The following TMEM209 variants were observed in gnomAD, a reference collection of about 807,000 sequenced individuals.
TMEM209 encodes the protein testicular tissue protein Li 202.
A neutral mutation model predicts 76.2 loss-of-function variants in TMEM209; 65 were observed. The observed-to-expected ratio is 0.85, with a 90% CI of 0.70 to 1.05. The LOEUF is 1.05. Among genes scored for constraint, TMEM209 ranks in the 50% least tolerant of loss-of-function variants. The pLI is 0.00. For missense variants in TMEM209, 623 were observed against 685.5 expected (o/e 0.91, Z 1.02); for synonymous variants, 239 against 237.6 (o/e 1.01, Z -0.06).
intron 5 of TMEM209, among the ~76,000 whole-genome samples, chr7:130,193,126 A>C (rs2117015839): frequency 6.6e-6 from 1 of 152,336 alleles, no homozygotes; most frequent in East Asian, 1.9e-4. Context: ...GGCCACACAC[A>C]AACCTGTATG....
intron 5 of TMEM209, among the ~76,000 whole-genome samples, chr7:130,200,212 T>C (rs1209236733): frequency 6.6e-6 from 1 of 151,978 alleles, no homozygotes; most frequent in Non-Finnish European, 1.5e-5. Context: ...AATCAGAGGA[T>C]ACAGACCCAA....
At chr7:130,190,905 G>A (rs919370933) in intron 6 of TMEM209, among the ~76,000 whole-genome samples, 8 of 151,824 alleles carry the variant, frequency 5.3e-5, no homozygotes, top group African/African-American at 1.9e-4. Context: ...GCTGAGGTGG[G>A]AGAGGCACCT....
chr7:130,187,305 T>C (rs546182227), intron 6 of TMEM209, among the ~76,000 whole-genome samples: 1 of 150,860 alleles, frequency 6.6e-6, no homozygotes, highest in Non-Finnish European at 1.5e-5. Flanking sequence ...ATAATGGAGC[T>C]TGCAAAAAAG....
intron 6 of TMEM209, among the ~76,000 whole-genome samples, chr7:130,186,193 T>G (rs922708676): frequency 5.9e-5 from 9 of 152,192 alleles, no homozygotes; most frequent in African/African-American, 1.7e-4. Flanking sequence ...CTTTATACCC[T>G]CAAACAAAAC....
rs778293922 is a variant in TMEM209 at position 130,202,678 on chromosome 7, T to G, written c.200-15A>C. The G allele has an allele frequency of 6.4e-7, 1 of 1,571,594 alleles. No individual in the cohort carries two copies. The highest frequency in any genetic ancestry group is 1.8e-5 in the Admixed American group (1 of 55,514). ...AAGGGCAAGCTCTGGAAGAGAACAA[T>G]TTTTTTTTAATAAGGGGGGTGAGGA... On this transcript the variant is annotated splice_polypyrimidine_tract_variant and intron_variant, in intron 3 of 14. Transcript: ENST00000397622.
intron 11 of TMEM209, 175 bp downstream of exon 11, chr7:130,175,337 C>T (rs1384852764): frequency 1.8e-6 from 1 of 543,534 alleles, no homozygotes; most frequent in East Asian, 3.1e-5. Flanking sequence ...GTGGTTCAGG[C>T]CTAGTCCCAG....
In TMEM209 at chr7:130,166,139, A is replaced by G; in HGVS notation, c.*312T>C. 1 of 206,224 alleles carries G rather than the reference A, an allele frequency of 4.8e-6. No homozygotes were observed. The highest frequency in any genetic ancestry group is 9.6e-6 in the Non-Finnish European group (1 of 104,146). 12.8% of individuals were successfully genotyped at this position (206,224 alleles called of 1,614,324 possible). A position where few individuals can be genotyped will look rare whatever the true frequency, so the allele number is the denominator to read the frequency against. On this transcript the variant is annotated 3_prime_UTR_variant, in exon 15 of 15. Transcript: ENST00000397622. ...ATTTGGGGGTTACAATGAAAAAAAGACTCAAAATCTATTTCATTAAGGGGA... is the reference window on the plus strand; with the variant it reads ...ATTTGGGGGTTACAATGAAAAAAAGGCTCAAAATCTATTTCATTAAGGGGA...
rs554080182 is a variant in TMEM209 at position 130,164,958 on chromosome 7, A to G, written c.*1493T>C. On this transcript the variant is annotated 3_prime_UTR_variant, in exon 15 of 15. Coordinates refer to ENST00000397622, the MANE Select transcript of TMEM209 (RefSeq NM_032842.4). ...CCTTTGGACATCAACTTTTAAAAAC[A>G]CGAACAACTTTTTGAAAGACAGAAT... 9 of 152,358 alleles carry G rather than the reference A, an allele frequency of 5.9e-5. No individual in the cohort carries two copies. The highest frequency in any genetic ancestry group is 2.2e-4 in the African/African-American group (9 of 41,594). 9.4% of individuals were successfully genotyped at this position (152,358 alleles called of 1,614,324 possible).
intron 6 of TMEM209, among the ~76,000 whole-genome samples, chr7:130,187,167 C>T (rs1391277014): frequency 1.3e-5 from 2 of 151,318 alleles, no homozygotes; most frequent in African/African-American, 2.4e-5. Flanking sequence ...TGCTTGAACC[C>T]GGGAAGCGGA....
At chr7:130,202,436 C>A (rs752047830) in intron 4 of TMEM209, 96 bp downstream of exon 4, 13 of 1,465,722 alleles carry the variant, frequency 8.9e-6, no homozygotes, top group Admixed American at 8.8e-5. Context: ...AGCTGATGTC[C>A]CTTCCAGCTT....
intron 13 of TMEM209, among the ~76,000 whole-genome samples, chr7:130,171,350 G>A (rs879056532): frequency 6.6e-6 from 1 of 151,940 alleles, no homozygotes; most frequent in Admixed American, 6.6e-5. Flanking sequence ...GTAATTTTTG[G>A]TCTGTAAAAA....
intron 5 of TMEM209, among the ~76,000 whole-genome samples, chr7:130,200,490 TA>T (rs1356751321): frequency 6.6e-6 from 1 of 152,156 alleles, no homozygotes; most frequent in Non-Finnish European, 1.5e-5. Context: ...TAGTATACAT[TA>T]AAAAGTTTTT....
chr7:130,185,151 C>T, intron 7 of TMEM209, 41 bp downstream of exon 7: 3 of 1,574,360 alleles, frequency 1.9e-6, no homozygotes, highest in Non-Finnish European at 2.6e-6. Flanking sequence ...TCTAACAATG[C>T]ATAAATCATA....
intron 11 of TMEM209, 121 bp downstream of exon 11, chr7:130,175,391 G>A (rs970986223): frequency 1.1e-6 from 1 of 883,932 alleles, no homozygotes; most frequent in African/African-American, 1.7e-5. Flanking sequence ...AGCCCTGGGA[G>A]ATCAAAGCTG....
At chr7:130,205,326 G>A (rs767987383) in intron 1 of TMEM209, 47 bp downstream of exon 1, 14 of 1,613,672 alleles carry the variant, frequency 8.7e-6, no homozygotes, top group East Asian at 2.2e-5. Context: ...CCCACAACCC[G>A]CGTAGATTCC....
intron 5 of TMEM209, among the ~76,000 whole-genome samples, chr7:130,200,891 C>T (rs1384263158): frequency 2.0e-5 from 3 of 151,734 alleles, no homozygotes; most frequent in East Asian, 3.9e-4. Context: ...AGATCGAGAC[C>T]ATCCTGGCTA....
intron 5 of TMEM209, among the ~76,000 whole-genome samples, chr7:130,195,110 C>T (rs899484231): frequency 1.3e-5 from 2 of 152,054 alleles, no homozygotes; most frequent in Non-Finnish European, 2.9e-5. Context: ...ATTTTCTTGG[C>T]TCATTTGTTT....
intron 8 of TMEM209, among the ~76,000 whole-genome samples, chr7:130,182,990 C>T (rs55935818): frequency 0.18 from 27,840 of 152,060 alleles, 2,916 homozygotes; most frequent in Middle Eastern, 0.25. Flanking sequence ...ATAAATTATA[C>T]GGTACAGGTA....
At chr7:130,185,579 G>A (rs920338207) in intron 6 of TMEM209, among the ~76,000 whole-genome samples, 4 of 152,142 alleles carry the variant, frequency 2.6e-5, no homozygotes, top group African/African-American at 9.7e-5. Context: ...CAATTTAACA[G>A]TCATAAAAAC....
Sources: allele counts gnomAD v4.1 joint callset (sites outside exome capture counted in the v4.1 genomes callset), GRCh38; gene constraint gnomAD v4.1.1; transcripts MANE v1.5; gene names NCBI Gene and HGNC (gene_info 2026-07-23, HGNC 2026-07-21).